The following EML6 variants were observed in gnomAD, a reference collection of about 807,000 sequenced individuals.
EML6 encodes EMAP like 6.
EML6 carries 154 observed loss-of-function variants against 240.1 expected under a neutral mutation model. The ratio of observed to expected loss-of-function variants is 0.64; its 90% CI spans 0.56 to 0.73. The LOEUF (loss-of-function observed/expected upper bound fraction) is 0.73. Among genes scored for constraint, EML6 ranks in the 30% least tolerant of loss-of-function variants. EML6 has a pLI of 0.00. For missense variants in EML6, 2,964 were observed against 2,474.6 expected (o/e 1.20, Z -4.20); for synonymous variants, 1,148 against 899.0 (o/e 1.28, Z -4.95).
chr2:54,849,856 G>A (rs964596719), intron 9 of EML6, 106 bp from the exon 10 acceptor site: 42 of 856,186 alleles, frequency 4.9e-5, no homozygotes, highest in Non-Finnish European at 6.7e-5. Context: ...ATTCCTGCAG[G>A]TTTGGTTCTC....
chr2:54,826,755 G>C (rs1006520695), intron 5 of EML6, among the ~76,000 whole-genome samples: 2 of 152,122 alleles, frequency 1.3e-5, no homozygotes, highest in African/African-American at 2.4e-5. Context: ...GAAAAGCCGA[G>C]TCAATTATTT....
At chr2:54,884,147 C>T (rs548801215) in intron 17 of EML6, among the ~76,000 whole-genome samples, 1 of 152,266 alleles carries the variant, frequency 6.6e-6, no homozygotes, top group South Asian at 2.1e-4. Flanking sequence ...GAGACCGTTC[C>T]CCTCATCCCA....
intron 2 of EML6, among the ~76,000 whole-genome samples, chr2:54,729,354 T>C (rs1200257890): frequency 7.2e-5 from 11 of 152,242 alleles, no homozygotes; most frequent in Admixed American, 7.2e-4. Flanking sequence ...ATATGTATCA[T>C]TTAGGGCTAT....
Position 54,959,148 on chromosome 2 carries a change from C to T in EML6, c.4740C>T (p.Val1580=). 1 of 1,551,670 alleles carries T rather than the reference C, an allele frequency of 6.4e-7. No homozygotes were observed. The highest frequency in any genetic ancestry group is 2.4e-5 in the East Asian group (1 of 40,904). The part of the protein sequence containing the change: ...FTGAINGDVY[V]WKDHFLIRLV... The stretch of plus-strand genomic sequence containing the variant: ...GTGCCATCAATGGAGATGTCTACGT[C>T]TGGAAGGACCACTTCCTCATCCGGC... The change falls in exon 34 of 42, where the codon GTC becomes GTT. Residue 1580 remains valine, a synonymous_variant. Coordinates refer to ENST00000356458, the MANE Select transcript of EML6 (RefSeq NM_001039753.4).
intron 2 of EML6, among the ~76,000 whole-genome samples, chr2:54,765,296 C>T (rs991812191): frequency 1.3e-5 from 2 of 152,084 alleles, no homozygotes; most frequent in African/African-American, 4.8e-5. Flanking sequence ...TATGGATTGA[C>T]ATAATTTTAA....
rs1668580116 is a variant in EML6 at position 54,826,144 on chromosome 2, AC to A, written c.526-1418del. On this transcript the variant is annotated intron_variant, in intron 5 of 41. Coordinates refer to ENST00000356458, the MANE Select transcript of EML6 (RefSeq NM_001039753.4). The stretch of plus-strand genomic sequence containing the variant: ...GACAAAGATTTCAGTATTTTTTCTA[AC>A]CCCATTGAACCCTTATCTTCAGTGA... Among the ~76,000 whole-genome samples the A allele has an allele frequency of 3.9e-5, 6 of 152,102 alleles. 1 individual carries two copies. The highest frequency in any genetic ancestry group is 3.9e-4 in the Admixed American group (6 of 15,264).
intron 28 of EML6, among the ~76,000 whole-genome samples, chr2:54,931,528 C>T (rs1468249149): frequency 2.0e-5 from 3 of 152,146 alleles, no homozygotes; most frequent in East Asian, 1.9e-4. Context: ...TAATCAGGGC[C>T]GTTGCCCAGC....
At chr2:54,885,998 T>A (rs1255576996) in intron 17 of EML6, among the ~76,000 whole-genome samples, 1 of 152,168 alleles carries the variant, frequency 6.6e-6, no homozygotes, top group East Asian at 1.9e-4. Context: ...GTAGCCATAA[T>A]GGATCAAGAG....
intron 5 of EML6, among the ~76,000 whole-genome samples, chr2:54,820,679 G>T (rs913875052): frequency 6.6e-6 from 1 of 152,230 alleles, no homozygotes; most frequent in Non-Finnish European, 1.5e-5. Flanking sequence ...GAAGTGCTCC[G>T]CAGGCAGCTG....
At chr2:54,736,428 G>A (rs1683394004) in intron 2 of EML6, among the ~76,000 whole-genome samples, 1 of 152,138 alleles carries the variant, frequency 6.6e-6, no homozygotes, top group Non-Finnish European at 1.5e-5. Context: ...GTGACTTTGG[G>A]CATGGCAGTT....
chr2:54,781,924 C>A (rs1668873172), intron 2 of EML6, among the ~76,000 whole-genome samples: 2 of 152,178 alleles, frequency 1.3e-5, no homozygotes, highest in Non-Finnish European at 2.9e-5. Context: ...CCACCTTGGC[C>A]TCCCAAAGTG....
At chr2:54,891,290 C>T in intron 18 of EML6, 136 bp downstream of exon 18, 1 of 508,068 alleles carries the variant, frequency 2.0e-6, no homozygotes, top group African/African-American at 1.9e-5. Flanking sequence ...AAATTATCTC[C>T]CAAGTTCGCT....
chr2:54,735,300 C>T (rs1683343604), intron 2 of EML6, among the ~76,000 whole-genome samples: 2 of 152,120 alleles, frequency 1.3e-5, no homozygotes, highest in African/African-American at 4.8e-5. Context: ...TGTGTGTGTC[C>T]CTGTGCCTAG....
chr2:54,830,079 T>C (rs1668792033), intron 7 of EML6, among the ~76,000 whole-genome samples: 1 of 152,206 alleles, frequency 6.6e-6, no homozygotes, highest in Non-Finnish European at 1.5e-5. Context: ...GGACTAAATA[T>C]ACTTGCAAAG....
intron 35 of EML6, among the ~76,000 whole-genome samples, chr2:54,961,197 T>TTTTTTTTTTTTTTTTTTTTTTTTG (rs1558729661): frequency 8.2e-6 from 1 of 121,598 alleles, no homozygotes; most frequent in Non-Finnish European, 1.7e-5. Flanking sequence ...TTTTTTTTTT[T>TTTTTTTTTTTTTTTTTTTTTTTTG]TTTTTTGAGA....
chr2:54,787,715 T>C (rs1289512835), intron 2 of EML6, among the ~76,000 whole-genome samples: 1 of 152,192 alleles, frequency 6.6e-6, no homozygotes, highest in African/African-American at 2.4e-5. Flanking sequence ...GATGTCTCAG[T>C]CTGGGGTACT....
At chr2:54,762,233 GT>G in intron 2 of EML6, among the ~76,000 whole-genome samples, 1 of 152,054 alleles carries the variant, frequency 6.6e-6, no homozygotes, top group East Asian at 1.9e-4. Flanking sequence ...CTCAAGTTGG[GT>G]TTATCTGATG....
chr2:54,859,232 A>G (rs1166204448), intron 11 of EML6, among the ~76,000 whole-genome samples: 3 of 152,196 alleles, frequency 2.0e-5, no homozygotes, highest in East Asian at 1.9e-4. Context: ...AATGTGTAAG[A>G]TGTTCATTCT....
At chr2:54,905,161 C>A (rs866044680) in intron 24 of EML6, among the ~76,000 whole-genome samples, 1 of 152,026 alleles carries the variant, frequency 6.6e-6, no homozygotes, top group South Asian at 2.1e-4. Context: ...GGCACTGTGA[C>A]TTTATCTAGG....
Sources: allele counts gnomAD v4.1 joint callset (sites outside exome capture counted in the v4.1 genomes callset), GRCh38; gene constraint gnomAD v4.1.1; transcripts MANE v1.5; gene names NCBI Gene and HGNC (gene_info 2026-07-23, HGNC 2026-07-21).